Variants in ABCA13 observed in about 807,000 individuals in gnomAD.
ABCA13 encodes the protein ATP binding cassette subfamily A member 13, also known as ATP-binding cassette sub-family A member 13.
A neutral mutation model predicts 478.7 loss-of-function variants in ABCA13; 476 were observed. The observed-to-expected ratio is 0.99, with a 90% CI of 0.92 to 1.07. The LOEUF (loss-of-function observed/expected upper bound fraction) is 1.07. Among genes scored for constraint, ABCA13 ranks in the 50% least tolerant of loss-of-function variants. The probability of loss-of-function intolerance (pLI) is 0.00; values close to 1 mark genes in which losing one functional copy is unlikely to be tolerated. For missense variants in ABCA13, 6,060 were observed against 5,910.6 expected (o/e 1.03, Z -0.83); for synonymous variants, 2,252 against 2,158.9 (o/e 1.04, Z -1.20).
rs1802196933 is a variant in ABCA13, at chr7:48,314,170, G to A, written c.9682-62G>A. The A allele has an allele frequency of 5.9e-6, 9 of 1,522,942 alleles. No homozygotes were observed. In the South Asian group the frequency reaches 7.4e-5, roughly 12 times the overall value. 94.3% of individuals were successfully genotyped at this position (1,522,942 alleles called of 1,614,324 possible). A position where few individuals can be genotyped will look rare whatever the true frequency, so the allele number is the denominator to read the frequency against. ...GGAGGAAGGAACTAGACTTTCAGAA[G>A]TGTGTGAAGGAATTGTTTTAAGTCA... On this transcript the variant is annotated intron_variant, in intron 25 of 61. Coordinates refer to ENST00000435803, the MANE Select transcript of ABCA13 (RefSeq NM_152701.5).
intron 41 of ABCA13, among the ~76,000 whole-genome samples, chr7:48,426,644 C>A (rs1821462929): frequency 6.6e-6 from 1 of 152,132 alleles, no homozygotes; most frequent in Admixed American, 6.5e-5. Context: ...GGCCAGGGAC[C>A]AATATCTCTA....
chr7:48,314,502 A>C (rs1378354112), intron 26 of ABCA13, 93 bp downstream of exon 26: 15 of 1,180,004 alleles, frequency 1.3e-5, no homozygotes, highest in Non-Finnish European at 1.5e-5. Flanking sequence ...TCTGTGTATA[A>C]GGTTGCTATA....
At chr7:48,292,046 T>C (rs1324894360) in intron 20 of ABCA13, among the ~76,000 whole-genome samples, 5 of 152,172 alleles carry the variant, frequency 3.3e-5, no homozygotes, top group African/African-American at 9.7e-5. Flanking sequence ...CTTATGCAGA[T>C]TCATTTGCAA....
At chr7:48,503,534 AGT>A (rs2130834779) in intron 48 of ABCA13, among the ~76,000 whole-genome samples, 1 of 152,196 alleles carries the variant, frequency 6.6e-6, no homozygotes, top group Admixed American at 6.5e-5. Context: ...GAGATTTTGC[AGT>A]GTTTGTCTTT....
intron 27 of ABCA13, among the ~76,000 whole-genome samples, chr7:48,331,022 C>T (rs1318088296): frequency 1.3e-5 from 2 of 152,028 alleles, no homozygotes; most frequent in Admixed American, 1.3e-4. Context: ...TGCCCCATTC[C>T]CCTTTGATGC....
intron 2 of ABCA13, 113 bp from the exon 3 acceptor site, chr7:48,198,124 G>T: frequency 9.0e-7 from 1 of 1,105,636 alleles, no homozygotes; most frequent in Non-Finnish European, 1.2e-6. Flanking sequence ...TAAATTAATA[G>T]CAAGGTTAAT....
intron 42 of ABCA13, among the ~76,000 whole-genome samples, chr7:48,437,339 T>G (rs2129156151): frequency 6.6e-6 from 1 of 152,206 alleles, no homozygotes; most frequent in African/African-American, 2.4e-5. Context: ...ATAGCCACCC[T>G]TCTGCCTTTT....
intron 43 of ABCA13, among the ~76,000 whole-genome samples, chr7:48,457,275 C>CTATATA (rs147499501): frequency 1.3e-5 from 2 of 151,594 alleles, no homozygotes; most frequent in South Asian, 2.1e-4. Flanking sequence ...TAAGCATCAT[C>CTATATA]TATATATATA....
At chr7:48,185,266 T>A (rs1289088541) in intron 1 of ABCA13, among the ~76,000 whole-genome samples, 1 of 152,174 alleles carries the variant, frequency 6.6e-6, no homozygotes, top group Non-Finnish European at 1.5e-5. Context: ...CTTCCACAGG[T>A]TGCTTTGCTT....
chr7:48,388,453 T>C (rs1225471581), intron 36 of ABCA13, among the ~76,000 whole-genome samples: 5 of 152,220 alleles, frequency 3.3e-5, no homozygotes, highest in Non-Finnish European at 7.3e-5. Context: ...ACTGTCCCTG[T>C]GCCTCTGCAC....
At chr7:48,574,525 G>A (rs565069695) in intron 55 of ABCA13, among the ~76,000 whole-genome samples, 21 of 152,188 alleles carry the variant, frequency 1.4e-4, no homozygotes, top group African/African-American at 5.1e-4. Context: ...TTATAGACCT[G>A]CATTACTCAT....
chr7:48,447,310 G>C (rs1322498018), intron 42 of ABCA13, among the ~76,000 whole-genome samples: 1 of 152,132 alleles, frequency 6.6e-6, no homozygotes, highest in Non-Finnish European at 1.5e-5. Context: ...CGGGAGCCTA[G>C]GAGAGTTGGG....
At position 48,273,020 on chromosome 7, in the gene ABCA13, T is replaced by C; in HGVS notation, c.3354T>C (p.Ser1118=). Residue 1118 remains serine (S), a synonymous_variant, in exon 17 of 62, where the codon TCT becomes TCC. Transcript: ENST00000435803. The part of the protein sequence containing the change: ...SSVNYSTSEE[S]SFVFPLAQIF... Reference sequence around the variant, plus strand: ...TAAATTATTCAACAAGTGAGGAGTCTTCATTTGTTTTTCCATTGGCACAAA... The same window carrying C: ...TAAATTATTCAACAAGTGAGGAGTCCTCATTTGTTTTTCCATTGGCACAAA... 6.2e-7 allele frequency: 1 copy of C among 1,613,654 alleles called. No individual in the cohort carries two copies. Among genetic ancestry groups the C allele is most frequent in the Non-Finnish European group, 8.5e-7 (1 of 1,179,736 alleles).
At chr7:48,221,899 T>A (rs922249525) in intron 5 of ABCA13, among the ~76,000 whole-genome samples, 2 of 152,340 alleles carry the variant, frequency 1.3e-5, no homozygotes, top group Middle Eastern at 3.4e-3. Flanking sequence ...AAGCCTCAAG[T>A]TAAGGTGCAA....
intron 41 of ABCA13, among the ~76,000 whole-genome samples, chr7:48,421,326 G>A (rs892907777): frequency 1.3e-5 from 2 of 152,068 alleles, no homozygotes; most frequent in Non-Finnish European, 2.9e-5. Flanking sequence ...GCCAAGTGGC[G>A]ATTTTTCTAA....
rs754466982 is a variant in ABCA13 at position 48,248,373 on chromosome 7, G to C, written c.1794G>C (p.Leu598=). ...TTTCCTGTACTCGGCTCTTCCTGCT[G>C]CTGGGAGCTGATCCCTCTCCTGAGA... ...ASLSCTRLFL[L]LGADPSPEND... The change falls in exon 14 of 62, where the codon CTG becomes CTC. Residue 598 remains leucine, a synonymous_variant. Coordinates refer to ENST00000435803, the MANE Select transcript of ABCA13 (RefSeq NM_152701.5). 1 of 1,613,764 alleles carries C rather than the reference G, an allele frequency of 6.2e-7. No individual in the cohort carries two copies. Among genetic ancestry groups the C allele is most frequent in the Admixed American group, 1.7e-5 (1 of 60,008 alleles).
chr7:48,628,190 G>A (rs909284396), intron 59 of ABCA13, among the ~76,000 whole-genome samples: 3 of 152,104 alleles, frequency 2.0e-5, no homozygotes, highest in South Asian at 2.1e-4. Context: ...CTCCAGCATC[G>A]ATTGTAATTA....
chr7:48,590,695 A>G (rs1789641059), intron 57 of ABCA13, among the ~76,000 whole-genome samples: 1 of 152,108 alleles, frequency 6.6e-6, no homozygotes, highest in Non-Finnish European at 1.5e-5. Flanking sequence ...GTATAAGATG[A>G]TATCTCATTG....
intron 59 of ABCA13, among the ~76,000 whole-genome samples, chr7:48,633,931 CATAGATAGATAGATAG>C (rs58253125): frequency 0.028 from 4,129 of 144,954 alleles, 69 homozygotes; most frequent in East Asian, 0.059. Flanking sequence ...TAGATAGATA[CATAGATAGATAGATAG>C]ATAGATAGAT....
Sources: gnomAD v4.1 joint callset for allele counts (sites outside exome capture counted in the v4.1 genomes callset) on GRCh38, gnomAD v4.1.1 for gene constraint, MANE v1.5 for transcripts, NCBI Gene and HGNC (gene_info 2026-07-23, HGNC 2026-07-21) for gene names.